The following TNFSF4 variants were observed in gnomAD, a reference collection of about 807,000 sequenced individuals.
TNFSF4 encodes tumor necrosis factor ligand superfamily member 4.
In TNFSF4, 4 loss-of-function variants were observed where a neutral mutation model predicts 7.3. The observed-to-expected ratio is 0.55, with a 90% CI of 0.27 to 1.25. The LOEUF is 1.25. Ranked by LOEUF, TNFSF4 falls within the 50% of genes most tolerant of loss-of-function variation. The pLI is 0.12. For synonymous variants in TNFSF4, 76 were observed against 83.7 expected, an observed-to-expected ratio of 0.91 and a Z score of 0.50; for missense variants, 181 against 208.8, an observed-to-expected ratio of 0.87 and a Z score of 0.82.
At chr1:173,359,510 TAAAA>T in the TNFSF4 span, among the ~76,000 whole-genome samples, 3,867 of 119,646 alleles carry the variant, frequency 0.032, 33 homozygotes, top group East Asian at 0.053. Context: ...TTACCAGCTG[TAAAA>T]AAAAAAAAAA....
chr1:173,400,463 A>C, the TNFSF4 span, among the ~76,000 whole-genome samples: 2 of 152,204 alleles, frequency 1.3e-5, no homozygotes, highest in African/African-American at 4.8e-5. Context: ...TGTTCCTTCA[A>C]CTTTATGTTC....
At chr1:173,290,348 A>G in the TNFSF4 span, among the ~76,000 whole-genome samples, 1 of 152,212 alleles carries the variant, frequency 6.6e-6, no homozygotes, top group Non-Finnish European at 1.5e-5. Context: ...CAAGAGATCC[A>G]CCTCACATGT....
chr1:173,222,356 A>G, the TNFSF4 span, among the ~76,000 whole-genome samples: 1 of 152,368 alleles, frequency 6.6e-6, no homozygotes, highest in Non-Finnish European at 1.5e-5. Flanking sequence ...GACAAAGGGA[A>G]AAAGTCCCAA....
the TNFSF4 span, among the ~76,000 whole-genome samples, chr1:173,360,035 C>T: frequency 6.6e-6 from 1 of 152,202 alleles, no homozygotes; most frequent in Non-Finnish European, 1.5e-5. Context: ...TCATATTGTC[C>T]ACCCTGGCTA....
the TNFSF4 span, among the ~76,000 whole-genome samples, chr1:173,334,848 C>T: frequency 6.6e-6 from 1 of 152,126 alleles, no homozygotes; most frequent in Admixed American, 6.5e-5. Flanking sequence ...ACCACCTCTT[C>T]GCTTCTAGAC....
chr1:173,210,291 G>A (rs1036495336), upstream of TNFSF4, among the ~76,000 whole-genome samples: 1 of 152,162 alleles, frequency 6.6e-6, no homozygotes. Flanking sequence ...TGGGTCCTAG[G>A]TATCAGTGCA....
the TNFSF4 span, among the ~76,000 whole-genome samples, chr1:173,309,084 A>T: frequency 2.6e-5 from 4 of 151,996 alleles, no homozygotes; most frequent in African/African-American, 7.2e-5. Context: ...TATAGGTGTG[A>T]ATTAAATTCT....
the TNFSF4 span, among the ~76,000 whole-genome samples, chr1:173,386,427 C>T: frequency 6.6e-6 from 1 of 152,210 alleles, no homozygotes; most frequent in Admixed American, 6.5e-5. Flanking sequence ...AGGCAGAGAA[C>T]AGCTACCACA....
chr1:173,257,323 T>G, the TNFSF4 span, among the ~76,000 whole-genome samples: 185 of 152,332 alleles, frequency 1.2e-3, no homozygotes, highest in African/African-American at 4.2e-3. Flanking sequence ...TATATTTAGA[T>G]AACACTTTAT....
the TNFSF4 span, among the ~76,000 whole-genome samples, chr1:173,312,086 T>C: frequency 2.0e-5 from 3 of 152,084 alleles, no homozygotes; most frequent in Non-Finnish European, 4.4e-5. Flanking sequence ...TAAGTATACA[T>C]TTGTGCATAT....
the TNFSF4 span, among the ~76,000 whole-genome samples, chr1:173,343,337 C>A: frequency 1.3e-5 from 2 of 152,134 alleles, no homozygotes; most frequent in Non-Finnish European, 2.9e-5. Context: ...AGGTGACATG[C>A]AAGTCCTGAA....
At chr1:173,312,680 C>T in the TNFSF4 span, among the ~76,000 whole-genome samples, 1 of 152,060 alleles carries the variant, frequency 6.6e-6, no homozygotes, top group Non-Finnish European at 1.5e-5. Flanking sequence ...AAACTGTGGG[C>T]CTCTTAATTC....
the TNFSF4 span, among the ~76,000 whole-genome samples, chr1:173,379,512 T>C: frequency 6.6e-6 from 1 of 151,890 alleles, no homozygotes; most frequent in Non-Finnish European, 1.5e-5. Flanking sequence ...CTGACTCCCT[T>C]GAGGGTCAAT....
At chr1:173,366,504 G>A in the TNFSF4 span, among the ~76,000 whole-genome samples, 1 of 151,908 alleles carries the variant, frequency 6.6e-6, no homozygotes, top group East Asian at 1.9e-4. Flanking sequence ...GGAAACAGGG[G>A]GATGGTTAAT....
intron 1 of TNFSF4, among the ~76,000 whole-genome samples, chr1:173,192,707 A>G (rs1165782634): frequency 6.6e-6 from 1 of 152,164 alleles, no homozygotes; most frequent in South Asian, 2.1e-4. Flanking sequence ...AAAACACTCT[A>G]TTGACTGATT....
chr1:173,378,110 A>G, the TNFSF4 span, among the ~76,000 whole-genome samples: 134 of 152,314 alleles, frequency 8.8e-4, 1 homozygote, highest in Middle Eastern at 0.01. Context: ...GGGCGACTAA[A>G]TCCGACCTTC....
chr1:173,286,393 T>C, the TNFSF4 span, among the ~76,000 whole-genome samples: 1 of 152,192 alleles, frequency 6.6e-6, no homozygotes, highest in Admixed American at 6.5e-5. Context: ...CTGTGTAATA[T>C]TGGCACAAGA....
the TNFSF4 span, among the ~76,000 whole-genome samples, chr1:173,218,567 T>G: frequency 6.7e-6 from 1 of 150,368 alleles, no homozygotes; most frequent in Non-Finnish European, 1.5e-5. Context: ...CTTCCATCCC[T>G]GCCCCAGATA....
chr1:173,300,867 A>C, the TNFSF4 span, among the ~76,000 whole-genome samples: 1 of 151,874 alleles, frequency 6.6e-6, no homozygotes, highest in African/African-American at 2.4e-5. Context: ...TGTCAATGTG[A>C]TCTTGAGCAG....
Sources: allele counts gnomAD v4.1 joint callset (sites outside exome capture counted in the v4.1 genomes callset), GRCh38; gene constraint gnomAD v4.1.1; transcripts MANE v1.5; gene names NCBI Gene and HGNC (gene_info 2026-07-23, HGNC 2026-07-21).